The following DCLK2 variants were observed in gnomAD, a reference collection of about 807,000 sequenced individuals.
DCLK2 encodes doublecortin like kinase 2, also known as serine/threonine-protein kinase DCLK2.
In DCLK2, 31 loss-of-function variants were observed where a neutral mutation model predicts 78.4. That is an observed-to-expected ratio of 0.40 (90% CI 0.30 to 0.53). The LOEUF is 0.53. Ranked by LOEUF, DCLK2 falls within the 20% of genes least tolerant of loss-of-function variation. The probability of loss-of-function intolerance (pLI) is 0.61; values close to 1 mark genes in which losing one functional copy is unlikely to be tolerated. For synonymous variants in DCLK2, 407 were observed against 374.9 expected (o/e 1.09, Z -0.99); for missense variants, 872 against 973.7 (o/e 0.90, Z 1.39).
At chr4:150,194,856 A>G (rs931912869) in intron 3 of DCLK2, among the ~76,000 whole-genome samples, 3 of 151,918 alleles carry the variant, frequency 2.0e-5, no homozygotes, top group African/African-American at 7.3e-5. Context: ...TTTTGAGAGG[A>G]TACATTCTGT....
At chr4:150,245,761 C>G (rs549493144) in intron 12 of DCLK2, among the ~76,000 whole-genome samples, 14 of 152,290 alleles carry the variant, frequency 9.2e-5, no homozygotes, top group African/African-American at 2.9e-4. Flanking sequence ...TTAATCCAGT[C>G]TATCATTGAT....
intron 2 of DCLK2, among the ~76,000 whole-genome samples, chr4:150,111,111 A>C: frequency 6.6e-6 from 1 of 152,164 alleles, no homozygotes; most frequent in East Asian, 1.9e-4. Context: ...GCATTGTATA[A>C]GTATTCCCCT....
intron 8 of DCLK2, among the ~76,000 whole-genome samples, chr4:150,229,009 G>A (rs868329076): frequency 1.0e-4 from 15 of 150,508 alleles, no homozygotes; most frequent in Middle Eastern, 3.5e-3. Flanking sequence ...GTCCGGCCTG[G>A]GCAACAGAGC....
At chr4:150,248,071 G>C (rs1167903866) in intron 13 of DCLK2, among the ~76,000 whole-genome samples, 1 of 152,188 alleles carries the variant, frequency 6.6e-6, no homozygotes, top group African/African-American at 2.4e-5. Flanking sequence ...ACAATGACCA[G>C]AACTCTTAGG....
chr4:150,225,278 G>A (rs1741514632), intron 8 of DCLK2, among the ~76,000 whole-genome samples: 1 of 152,228 alleles, frequency 6.6e-6, no homozygotes, highest in African/African-American at 2.4e-5. Flanking sequence ...TGGAACAGAA[G>A]CTGATGCATC....
intron 1 of DCLK2, among the ~76,000 whole-genome samples, chr4:150,098,731 T>C (rs9968497): frequency 0.38 from 56,097 of 148,268 alleles, 10,986 homozygotes; most frequent in Non-Finnish European, 0.42. Flanking sequence ...GTCTCATTCT[T>C]GTCACCCAGG....
intron 2 of DCLK2, among the ~76,000 whole-genome samples, chr4:150,115,534 G>GT (rs1288398327): frequency 3.9e-4 from 58 of 150,634 alleles, no homozygotes; most frequent in Non-Finnish European, 5.9e-4. Context: ...TTTTTGTGGG[G>GT]TTTTTTTTTC....
rs35680371 is a variant in DCLK2, at chr4:150,190,235, T to TTAGA, written c.757-2843_757-2840dup. 3.2e-3 allele frequency among the ~76,000 whole-genome samples: 364 copies of TTAGA among 115,552 alleles called. 1 individual carries two copies. The highest frequency in any genetic ancestry group is 0.013 in the South Asian group (47 of 3,628). 75.8% of individuals were successfully genotyped at this position (115,552 alleles called of 152,430 possible). ...GATAGATAGATGGATAGATGGATAG[T>TTAGA]TAGATAGATAGATAGATAGATAGAT... is the stretch of plus-strand genomic sequence containing the variant. On this transcript the variant is annotated intron_variant, in intron 2 of 15. Coordinates refer to ENST00000296550, the MANE Select transcript of DCLK2 (RefSeq NM_001040260.4).
chr4:150,150,930 A>G (rs564196800), intron 2 of DCLK2, among the ~76,000 whole-genome samples: 34 of 152,298 alleles, frequency 2.2e-4, no homozygotes, highest in African/African-American at 7.2e-4. Context: ...TTCCATTCTC[A>G]GCAGTGTGAC....
chr4:150,167,160 C>CA (rs897461135), intron 2 of DCLK2, among the ~76,000 whole-genome samples: 49 of 147,068 alleles, frequency 3.3e-4, no homozygotes, highest in Non-Finnish European at 4.7e-4. Context: ...GGAAAAATGC[C>CA]AAAAAAAAAA....
chr4:150,143,182 T>C (rs539547504), intron 2 of DCLK2, among the ~76,000 whole-genome samples: 1 of 152,316 alleles, frequency 6.6e-6, no homozygotes, highest in South Asian at 2.1e-4. Flanking sequence ...CTTCATAGTA[T>C]AGTGTGTGTA....
At chr4:150,128,278 TG>T (rs1385389284) in intron 2 of DCLK2, among the ~76,000 whole-genome samples, 1 of 152,018 alleles carries the variant, frequency 6.6e-6, no homozygotes, top group Admixed American at 6.6e-5. Context: ...CTTAATTTGA[TG>T]GATATAAAGA....
At chr4:150,081,143 T>C (rs1343609713) in intron 1 of DCLK2, among the ~76,000 whole-genome samples, 1 of 152,252 alleles carries the variant, frequency 6.6e-6, no homozygotes, top group Non-Finnish European at 1.5e-5. Context: ...GCCATTGGGA[T>C]ACTACTGTTC....
At position 150,079,094 on chromosome 4, in the gene DCLK2, T is replaced by C; in HGVS notation, c.67T>C (p.Ser23Pro). The change falls in exon 1 of 16, where the codon TCG (serine) becomes CCG (proline). Residue 23 changes from serine (S) to proline (P), a missense_variant. This residue lies in a region of DCLK2 where 567 missense variants were observed against 593.4 expected (regional missense o/e 0.96). Coordinates refer to ENST00000296550, the MANE Select transcript of DCLK2 (RefSeq NM_001040260.4). Reference sequence around the variant, plus strand: ...ACGGGACAAAAGGCCGCGGCCGGGGTCGCGGAGAGGGGCCCCCAGCTCCTC... The same window carrying C: ...ACGGGACAAAAGGCCGCGGCCGGGGCCGCGGAGAGGGGCCCCCAGCTCCTC... ...EERDKRPRPG[S>P]RRGAPSSSGG... 1 of 1,560,566 alleles carries C rather than the reference T, an allele frequency of 6.4e-7. No homozygotes were observed. The highest frequency in any genetic ancestry group is 8.6e-7 in the Non-Finnish European group (1 of 1,157,154).
intron 2 of DCLK2, among the ~76,000 whole-genome samples, chr4:150,168,382 G>A (rs562593668): frequency 6.7e-6 from 1 of 150,194 alleles, no homozygotes; most frequent in East Asian, 2.0e-4. Flanking sequence ...AGGTCAAACT[G>A]TGCACTTGAT....
intron 1 of DCLK2, among the ~76,000 whole-genome samples, chr4:150,086,794 C>T (rs1729682713): frequency 6.6e-6 from 1 of 152,074 alleles, no homozygotes; most frequent in Non-Finnish European, 1.5e-5. Context: ...GCGTGAACCA[C>T]CGTGCCCGGC....
intron 2 of DCLK2, among the ~76,000 whole-genome samples, chr4:150,109,380 G>C (rs1731496893): frequency 1.3e-5 from 2 of 151,296 alleles, no homozygotes; most frequent in Non-Finnish European, 2.9e-5. Context: ...CTGTCGCCAG[G>C]CTGGAGTGCA....
intron 12 of DCLK2, among the ~76,000 whole-genome samples, chr4:150,245,854 C>G (rs1455279540): frequency 1.3e-5 from 2 of 152,130 alleles, no homozygotes; most frequent in African/African-American, 4.8e-5. Context: ...GGTGGCAATT[C>G]CTCAAGGATC....
intron 2 of DCLK2, among the ~76,000 whole-genome samples, chr4:150,158,203 T>A (rs1735454803): frequency 6.6e-6 from 1 of 152,180 alleles, no homozygotes; most frequent in Admixed American, 6.5e-5. Context: ...TGACTTTTCC[T>A]CTATGCATGC....
Sources: gnomAD v4.1 joint callset for allele counts (sites outside exome capture counted in the v4.1 genomes callset) on GRCh38, gnomAD v4.1.1 for gene constraint, gnomAD v4.1.1 regional missense constraint, MANE v1.5 for transcripts, NCBI Gene and HGNC (gene_info 2026-07-23, HGNC 2026-07-21) for gene names.